IMMP2L: variants seen among roughly 807,000 people sequenced by gnomAD.
IMMP2L encodes the protein mitochondrial inner membrane protease subunit 2.
Under a neutral mutation model 19.3 loss-of-function variants are expected in IMMP2L, and 18 were observed. The ratio of observed to expected loss-of-function variants is 0.93; its 90% CI spans 0.64 to 1.38. The LOEUF is 1.38. Ranked by LOEUF, IMMP2L falls within the 40% of genes most tolerant of loss-of-function variation. The pLI, the probability that IMMP2L is intolerant of heterozygous loss-of-function variation, is 0.00. For missense variants in IMMP2L, 233 were observed against 218.2 expected (o/e 1.07, Z -0.43); for synonymous variants, 76 against 73.0 (o/e 1.04, Z -0.21).
intron 3 of IMMP2L, among the ~76,000 whole-genome samples, chr7:111,088,562 G>A (rs1238262300): frequency 1.3e-5 from 2 of 152,086 alleles, no homozygotes; most frequent in Admixed American, 1.3e-4. Flanking sequence ...AGATGATAGG[G>A]TAATATGGTG....
intron 3 of IMMP2L, among the ~76,000 whole-genome samples, chr7:111,176,725 T>C (rs1250746271): frequency 6.6e-6 from 1 of 151,930 alleles, no homozygotes; most frequent in South Asian, 2.1e-4. Flanking sequence ...AAAGGGTAAC[T>C]ACCATCAACA....
intron 3 of IMMP2L, among the ~76,000 whole-genome samples, chr7:111,337,616 C>T (rs919383024): frequency 2.0e-5 from 3 of 151,128 alleles, no homozygotes; most frequent in Admixed American, 6.6e-5. Flanking sequence ...TTAGTTAAAC[C>T]TAGAGTGTCT....
At chr7:110,735,819 C>A (rs1365407744) in intron 5 of IMMP2L, among the ~76,000 whole-genome samples, 1 of 121,064 alleles carries the variant, frequency 8.3e-6, no homozygotes, top group East Asian at 2.9e-4. Context: ...TGCACTCCAG[C>A]CTGGGTGACA....
chr7:110,915,228 T>C (rs1235495526), intron 4 of IMMP2L, among the ~76,000 whole-genome samples: 2 of 151,320 alleles, frequency 1.3e-5, no homozygotes, highest in East Asian at 1.9e-4. Flanking sequence ...CAAAATGTGA[T>C]GCACTCATGT....
chr7:110,859,830 A>C lies in IMMP2L; in HGVS notation c.408+26763T>G, dbSNP rs116997957. On this transcript the variant is annotated intron_variant, in intron 5 of 5. Coordinates refer to ENST00000405709, the MANE Select transcript of IMMP2L (RefSeq NM_032549.4). The stretch of plus-strand genomic sequence containing the variant: ...AAAATCTGTGTCTTTTGTCAGGAGT[A>C]AAGTGTAGTTTTTTTAGTTCTAAAC... Among the ~76,000 whole-genome samples the C allele has an allele frequency of 5.5e-4, 84 of 152,194 alleles. No homozygotes were observed. The East Asian group carries it at 0.013, about 24-fold the overall frequency.
At chr7:110,742,054 G>T (rs189154017) in intron 5 of IMMP2L, among the ~76,000 whole-genome samples, 3 of 152,284 alleles carry the variant, frequency 2.0e-5, no homozygotes, top group East Asian at 3.9e-4. Context: ...TTGAGTAATG[G>T]CAAGGCTAGA....
chr7:110,732,867 C>T (rs1001013193), intron 5 of IMMP2L, among the ~76,000 whole-genome samples: 3 of 151,596 alleles, frequency 2.0e-5, no homozygotes, highest in Admixed American at 1.3e-4. Context: ...TTCACCGCAG[C>T]CTCAAACTTC....
intron 3 of IMMP2L, among the ~76,000 whole-genome samples, chr7:111,372,072 T>G (rs547695413): frequency 6.6e-6 from 1 of 152,132 alleles, no homozygotes; most frequent in African/African-American, 2.4e-5. Context: ...CAGCCAGGAT[T>G]ACACAACTGC....
intron 3 of IMMP2L, among the ~76,000 whole-genome samples, chr7:111,165,851 G>A (rs974627335): frequency 3.3e-5 from 5 of 151,888 alleles, no homozygotes; most frequent in Admixed American, 2.6e-4. Flanking sequence ...CCAAGCCCCC[G>A]GCAAGTTATC....
chr7:111,266,562 A>G (rs907101817), intron 3 of IMMP2L, among the ~76,000 whole-genome samples: 91 of 149,842 alleles, frequency 6.1e-4, no homozygotes, highest in African/African-American at 2.0e-3. Context: ...AAAAAAAAAA[A>G]GGGATCTAGG....
intron 5 of IMMP2L, among the ~76,000 whole-genome samples, chr7:110,712,978 C>G (rs553142919): frequency 1.8e-4 from 27 of 152,034 alleles, no homozygotes; most frequent in East Asian, 5.9e-4. Flanking sequence ...TTCTGCGTCA[C>G]TCACGCTGGG....
chr7:111,545,915 A>G (rs1848890449), intron 1 of IMMP2L, among the ~76,000 whole-genome samples: 1 of 152,084 alleles, frequency 6.6e-6, no homozygotes, highest in African/African-American at 2.4e-5. Flanking sequence ...ATCTTCTTAT[A>G]ATTCCCTCCA....
chr7:110,909,926 C>CAGAGAGAGAGAGAGAGAGAGAGAGAG (rs139251144), intron 4 of IMMP2L, among the ~76,000 whole-genome samples: 1 of 145,748 alleles, frequency 6.9e-6, no homozygotes, highest in African/African-American at 2.5e-5. Flanking sequence ...GAGAGATAGA[C>CAGAGAGAGAGAGAGAGAGAGAGAGAG]AGAGAGAGAG....
chr7:111,504,446 T>C (rs1844656992), intron 2 of IMMP2L, among the ~76,000 whole-genome samples: 1 of 151,774 alleles, frequency 6.6e-6, no homozygotes, highest in Admixed American at 6.6e-5. Context: ...ACCAATGACT[T>C]TCTTCACAGA....
At chr7:110,750,807 T>G (rs1797672085) in intron 5 of IMMP2L, among the ~76,000 whole-genome samples, 1 of 151,996 alleles carries the variant, frequency 6.6e-6, no homozygotes, top group African/African-American at 2.4e-5. Flanking sequence ...GGTGTTTAAT[T>G]TGGGCACCAA....
At chr7:110,865,915 C>T (rs1201162852) in intron 5 of IMMP2L, among the ~76,000 whole-genome samples, 1 of 151,632 alleles carries the variant, frequency 6.6e-6, no homozygotes, top group African/African-American at 2.4e-5. Context: ...TGATACAAAG[C>T]AGAACTTCTT....
At chr7:111,196,485 T>G (rs1586781961) in intron 3 of IMMP2L, among the ~76,000 whole-genome samples, 1 of 152,210 alleles carries the variant, frequency 6.6e-6, no homozygotes, top group African/African-American at 2.4e-5. Flanking sequence ...TAGGAGATTA[T>G]GAAGTCTCAT....
chr7:110,942,031 TTTTG>T (rs1816789066), intron 4 of IMMP2L, among the ~76,000 whole-genome samples: 2 of 151,990 alleles, frequency 1.3e-5, no homozygotes, highest in African/African-American at 2.4e-5. Context: ...GTTTTGTCAG[TTTTG>T]TTTTAGTGTA....
chr7:110,905,002 A>G (rs1280646184), intron 4 of IMMP2L, among the ~76,000 whole-genome samples: 3 of 152,204 alleles, frequency 2.0e-5, no homozygotes, highest in Non-Finnish European at 4.4e-5. Context: ...CACTTTGATC[A>G]GATAAAATAT....
Sources: allele counts gnomAD v4.1 joint callset (sites outside exome capture counted in the v4.1 genomes callset), GRCh38; gene constraint gnomAD v4.1.1; transcripts MANE v1.5; gene names NCBI Gene and HGNC (gene_info 2026-07-23, HGNC 2026-07-21).